Variants in TLE1 observed in about 807,000 individuals in gnomAD.
The protein encoded by TLE1 is transducin-like enhancer protein 1.
A neutral mutation model predicts 89.8 loss-of-function variants in TLE1; 21 were observed. That is an observed-to-expected ratio of 0.23 (90% CI 0.17 to 0.34). The LOEUF (loss-of-function observed/expected upper bound fraction) is 0.34, where lower values mean the gene tolerates loss of function less well. Ranked by LOEUF, TLE1 falls within the 10% of genes least tolerant of loss-of-function variation. TLE1 has a pLI of 1.00. For synonymous variants in TLE1, 447 were observed against 407.6 expected, an observed-to-expected ratio of 1.10 and a Z score of -1.16; for missense variants, 795 against 1,031.2, an observed-to-expected ratio of 0.77 and a Z score of 3.14.
chr9:81,616,079 T>C lies in TLE1; in HGVS notation c.821A>G (p.Asp274Gly). The change falls in exon 11 of 20, where the codon GAC becomes GGC. Residue 274 changes from aspartate to glycine, a missense_variant. By Grantham distance (94) the Asp-to-Gly change is moderately conservative. Coordinates refer to ENST00000376499, the MANE Select transcript of TLE1 (RefSeq NM_005077.5). Reference sequence around the variant, plus strand: ...ATCCTTCTTTAGCAGGCGATTTTTGTCGATTCCATTTTCCCGGGGCGAGTG... The same window carrying C: ...ATCCTTCTTTAGCAGGCGATTTTTGCCGATTCCATTTTCCCGGGGCGAGTG... ...PAHSPRENGI[D>G]KNRLLKKDAS... 6.2e-7 allele frequency: 1 copy of C among 1,614,132 alleles called. No homozygotes were observed.
intron 4 of TLE1, among the ~76,000 whole-genome samples, chr9:81,668,783 C>G (rs963830622): frequency 1.3e-5 from 2 of 152,078 alleles, no homozygotes; most frequent in African/African-American, 4.8e-5. Context: ...ACAGTATTGT[C>G]TAAGATATAC....
At chr9:81,593,476 C>A (rs1829820606) in intron 14 of TLE1, among the ~76,000 whole-genome samples, 2 of 152,020 alleles carry the variant, frequency 1.3e-5, no homozygotes, top group Non-Finnish European at 2.9e-5. Context: ...CTAGCGTGTA[C>A]CAAATGACAT....
At position 81,682,433 on chromosome 9, in the gene TLE1, G is replaced by A. The variant is rs1433042912; in HGVS notation, c.234+3243C>T. Among the ~76,000 whole-genome samples, 4 of 152,122 alleles carry A rather than the reference G, an allele frequency of 2.6e-5. No homozygotes were observed. The East Asian group carries it at 5.8e-4, about 22-fold the overall frequency. ...GAGGATGCCTATGGAGGTCACAGAA[G>A]ACAAATCACATTGAAAACTGTTCAT... On this transcript the variant is annotated intron_variant, in intron 4 of 19. Coordinates refer to ENST00000376499, the MANE Select transcript of TLE1 (RefSeq NM_005077.5).
intron 6 of TLE1, among the ~76,000 whole-genome samples, chr9:81,640,477 G>A (rs1345480461): frequency 6.6e-6 from 1 of 152,078 alleles, no homozygotes; most frequent in Non-Finnish European, 1.5e-5. Context: ...CTGGTGTTCT[G>A]GGGCCCTAAA....
At chr9:81,685,568 T>G in intron 4 of TLE1, 108 bp downstream of exon 4, 1 of 1,088,976 alleles carries the variant, frequency 9.2e-7, no homozygotes, top group Non-Finnish European at 1.3e-6. Flanking sequence ...GGCAGAAAAA[T>G]AGCATACAAA....
chr9:81,662,361 T>TTGTTTG (rs1554694311), intron 4 of TLE1, among the ~76,000 whole-genome samples: 1 of 138,360 alleles, frequency 7.2e-6, no homozygotes, highest in Non-Finnish European at 1.5e-5. Flanking sequence ...TGTGCCTGTT[T>TTGTTTG]TGTGTGTGTG....
At chr9:81,672,133 GC>G (rs1367581092) in intron 4 of TLE1, among the ~76,000 whole-genome samples, 2 of 152,160 alleles carry the variant, frequency 1.3e-5, no homozygotes, top group African/African-American at 4.8e-5. Flanking sequence ...AGATCAGAAG[GC>G]GGCCAACTTT....
At chr9:81,620,925 G>C (rs775866791) in intron 8 of TLE1, 1 of 529,970 alleles carries the variant, frequency 1.9e-6, no homozygotes, top group East Asian at 5.3e-5. Flanking sequence ...AGCAAATCTT[G>C]AGATTACTCT....
intron 9 of TLE1, 61 bp downstream of exon 9, chr9:81,620,380 C>A: frequency 8.0e-7 from 1 of 1,250,824 alleles, no homozygotes; most frequent in Non-Finnish European, 1.2e-6. Flanking sequence ...TTAGAATATA[C>A]TTGGATACTC....
At chr9:81,686,254 T>C (rs1307298379) in intron 2 of TLE1, among the ~76,000 whole-genome samples, 1 of 152,222 alleles carries the variant, frequency 6.6e-6, no homozygotes, top group Non-Finnish European at 1.5e-5. Flanking sequence ...CAATCTTCAC[T>C]CTTAGGCATA....
At chr9:81,620,180 G>C (rs374501607) in intron 9 of TLE1, among the ~76,000 whole-genome samples, 1 of 152,232 alleles carries the variant, frequency 6.6e-6, no homozygotes, top group African/African-American at 2.4e-5. Flanking sequence ...CTGAGCAACC[G>C]CACAGCCCAC....
intron 4 of TLE1, among the ~76,000 whole-genome samples, chr9:81,669,824 G>A (rs182338795): frequency 6.6e-6 from 1 of 152,194 alleles, no homozygotes; most frequent in Non-Finnish European, 1.5e-5. Flanking sequence ...TAATAACCCT[G>A]ACTTTATACC....
At chr9:81,597,985 G>A (rs570121862) in intron 14 of TLE1, among the ~76,000 whole-genome samples, 2 of 152,220 alleles carry the variant, frequency 1.3e-5, no homozygotes, top group East Asian at 3.9e-4. Flanking sequence ...TTGGTTTCCT[G>A]GAAATAGGAA....
intron 4 of TLE1, among the ~76,000 whole-genome samples, chr9:81,654,807 T>C (rs1478533628): frequency 1.3e-5 from 2 of 152,194 alleles, no homozygotes; most frequent in Non-Finnish European, 2.9e-5. Context: ...GCTGACCTCT[T>C]TGCCACTTGT....
intron 4 of TLE1, among the ~76,000 whole-genome samples, chr9:81,677,243 C>T (rs542673773): frequency 4.1e-5 from 6 of 145,364 alleles, no homozygotes; most frequent in South Asian, 2.2e-4. Flanking sequence ...TCTTCCCCCC[C>T]CCAAAAAAAA....
chr9:81,640,130 C>A (rs752385330), intron 6 of TLE1, among the ~76,000 whole-genome samples: 1 of 152,204 alleles, frequency 6.6e-6, no homozygotes, highest in Non-Finnish European at 1.5e-5. Flanking sequence ...ACAGCCCTCA[C>A]CACAGAGAAT....
rs116601109 is a variant in TLE1, at chr9:81,631,669, T to C, written c.594+1679A>G. On this transcript the variant is annotated intron_variant, in intron 8 of 19. Coordinates refer to ENST00000376499, the MANE Select transcript of TLE1 (RefSeq NM_005077.5). ...GGAGTACTGAAGAAAACATGTTAAA[T>C]TGAAGTCCCAAAGCTAGAATAAGTT... Among the ~76,000 whole-genome samples, 877 of 152,338 alleles carry C rather than the reference T, an allele frequency of 5.8e-3. 11 individuals carry two copies. Among genetic ancestry groups the C allele is most frequent in the African/African-American group, 0.02 (850 of 41,578 alleles).
chr9:81,681,969 G>C (rs1050511660), intron 4 of TLE1, among the ~76,000 whole-genome samples: 2 of 152,090 alleles, frequency 1.3e-5, no homozygotes, highest in African/African-American at 4.8e-5. Context: ...AGACAGGCCG[G>C]GTGTGGTAGC....
intron 8 of TLE1, 60 bp downstream of exon 8, chr9:81,633,288 C>CAT (rs1491286863): frequency 1.9e-6 from 3 of 1,569,864 alleles, no homozygotes; most frequent in Non-Finnish European, 2.6e-6. Flanking sequence ...AGAAGGGGAC[C>CAT]GTGTGTGTGT....
Sources: gnomAD v4.1 joint callset for allele counts (sites outside exome capture counted in the v4.1 genomes callset) on GRCh38, gnomAD v4.1.1 for gene constraint, MANE v1.5 for transcripts, NCBI Gene and HGNC (gene_info 2026-07-23, HGNC 2026-07-21) for gene names.